GKAP1: variants seen among roughly 807,000 people sequenced by gnomAD.
The protein encoded by GKAP1 is G kinase-anchoring protein 1.
GKAP1 carries 31 observed loss-of-function variants against 56.7 expected under a neutral mutation model. That is an observed-to-expected ratio of 0.55 (90% CI 0.41 to 0.74). The LOEUF (loss-of-function observed/expected upper bound fraction) is 0.74. GKAP1 is among the 30% of genes least tolerant of loss of function. GKAP1 has a pLI of 0.00. For missense variants in GKAP1, 364 were observed against 402.3 expected (o/e 0.90, Z 0.82); for synonymous variants, 151 against 138.6 (o/e 1.09, Z -0.63).
chr9:83,768,964 T>C lies in GKAP1; in HGVS notation c.592A>G (p.Ser198Gly), dbSNP rs1943710965. The C allele has an allele frequency of 6.2e-7, 1 of 1,604,670 alleles. No homozygotes were observed. Among genetic ancestry groups the C allele is most frequent in the African/African-American group, 1.3e-5 (1 of 74,512 alleles). Residue 198 changes from serine (S) to glycine (G), a missense_variant, in exon 8 of 13, where the codon AGT becomes GGT. Ser to Gly is a moderately conservative substitution (Grantham distance 56). Transcript: ENST00000376371. ...DHISKKTEEL[S>G]SSQTLSHDGG... ...TCATGTGATAAAGTCTGAGAAGAAC[T>C]CAATTCCTGTCAAAAATGAATTACG...
chr9:83,804,861 C>T (rs1446828817), intron 3 of GKAP1, among the ~76,000 whole-genome samples: 2 of 146,320 alleles, frequency 1.4e-5, no homozygotes, highest in African/African-American at 2.6e-5. Context: ...GTCAGCCCCC[C>T]GCCCGGCCAG....
In GKAP1 at chr9:83,739,675, T is replaced by C. The variant is rs984833742; in HGVS notation, c.*22A>G. ...AATCCTGGAAGTTTTAAACTTTGTG[T>C]TGACTTCAAAGGCTAATGTAATCAC... On this transcript the variant is annotated 3_prime_UTR_variant, in exon 13 of 13. Coordinates refer to ENST00000376371, the MANE Select transcript of GKAP1 (RefSeq NM_025211.4). The C allele has an allele frequency of 7.6e-6, 12 of 1,587,280 alleles. No individual in the cohort carries two copies. Among genetic ancestry groups the C allele is most frequent in the Middle Eastern group, 3.4e-4 (2 of 5,966 alleles).
At chr9:83,809,414 T>C (rs1036274162) in intron 2 of GKAP1, among the ~76,000 whole-genome samples, 3 of 152,206 alleles carry the variant, frequency 2.0e-5, no homozygotes, top group African/African-American at 7.2e-5. Context: ...ATGTCAACTA[T>C]GAAAAGGGAA....
chr9:83,771,003 A>G (rs1943750443), intron 7 of GKAP1, among the ~76,000 whole-genome samples: 1 of 152,176 alleles, frequency 6.6e-6, no homozygotes, highest in East Asian at 1.9e-4. Flanking sequence ...CCTCTTCAAC[A>G]TCCTGTTATG....
At chr9:83,749,429 G>A (rs912010696) in intron 9 of GKAP1, among the ~76,000 whole-genome samples, 4 of 152,004 alleles carry the variant, frequency 2.6e-5, no homozygotes, top group Admixed American at 1.3e-4. Flanking sequence ...GTTTTACCAC[G>A]TTGGCCAGGC....
chr9:83,808,299 T>G (rs1239905483), intron 2 of GKAP1, among the ~76,000 whole-genome samples: 1 of 152,112 alleles, frequency 6.6e-6, no homozygotes, highest in Non-Finnish European at 1.5e-5. Context: ...CATATCTTAT[T>G]AAAATAACCT....
intron 5 of GKAP1, among the ~76,000 whole-genome samples, chr9:83,786,141 A>G (rs1011092742): frequency 1.3e-5 from 2 of 152,212 alleles, no homozygotes; most frequent in Non-Finnish European, 2.9e-5. Flanking sequence ...CTGCACTGAG[A>G]ACATACATCT....
intron 7 of GKAP1, among the ~76,000 whole-genome samples, chr9:83,778,521 C>A (rs1587715946): frequency 6.6e-6 from 1 of 151,778 alleles, no homozygotes; most frequent in South Asian, 2.1e-4. Flanking sequence ...TAGAGGGGAA[C>A]AAGACACACT....
At chr9:83,758,530 C>T (rs984797999) in intron 8 of GKAP1, among the ~76,000 whole-genome samples, 3 of 151,788 alleles carry the variant, frequency 2.0e-5, no homozygotes, top group Non-Finnish European at 4.4e-5. Context: ...GTCAGGAGTT[C>T]GAGACCAGCC....
intron 7 of GKAP1, 151 bp from the exon 8 acceptor site, chr9:83,769,121 C>T: frequency 1.8e-6 from 1 of 563,396 alleles, no homozygotes; most frequent in Non-Finnish European, 3.1e-6. Flanking sequence ...AGCTAAGAGA[C>T]AATCAACGAC....
intron 3 of GKAP1, among the ~76,000 whole-genome samples, chr9:83,800,972 CT>C (rs1944322664): frequency 6.6e-6 from 1 of 152,172 alleles, no homozygotes; most frequent in South Asian, 2.1e-4. Context: ...TTTAATTTGT[CT>C]TAAGTTTTTA....
intron 12 of GKAP1, 78 bp downstream of exon 12, chr9:83,741,874 A>T: frequency 1.2e-6 from 1 of 838,024 alleles, no homozygotes; most frequent in Non-Finnish European, 1.9e-6. Flanking sequence ...AGAATAAAAT[A>T]CTGCATTTAT....
intron 7 of GKAP1, among the ~76,000 whole-genome samples, chr9:83,775,129 G>C (rs1056262179): frequency 4.6e-5 from 7 of 151,834 alleles, no homozygotes; most frequent in African/African-American, 1.7e-4. Context: ...TCAGCATCCA[G>C]AGTAGCTGGG....
At chr9:83,802,238 T>C (rs1587736693) in intron 3 of GKAP1, among the ~76,000 whole-genome samples, 1 of 152,134 alleles carries the variant, frequency 6.6e-6, no homozygotes, top group Admixed American at 6.6e-5. Flanking sequence ...CCCAGTACTT[T>C]GGGAGGCCGA....
At chr9:83,795,965 G>C (rs1005509614) in intron 4 of GKAP1, among the ~76,000 whole-genome samples, 2 of 152,184 alleles carry the variant, frequency 1.3e-5, no homozygotes, top group South Asian at 2.1e-4. Flanking sequence ...TCTTCATCCT[G>C]TATAGGCAAC....
In GKAP1 at chr9:83,768,822, T is replaced by C. The variant is rs148840512; in HGVS notation, c.734A>G (p.Asn245Ser). The change falls in exon 8 of 13, where the codon AAC becomes AGC. Residue 245 changes from asparagine (N) to serine (S), a missense_variant. Transcript: ENST00000376371. ...GTDNCTAHEH[N>S]QEVVLKDGRI... ...AGAATTTTCTACTTTACATGCCTGG[T>C]TGTGTTCATGAGCTGTACAATTATC... 1.4e-5 allele frequency: 23 copies of C among 1,609,450 alleles called. No individual in the cohort carries two copies. The African/African-American group carries it at 2.8e-4, about 20-fold the overall frequency.
At chr9:83,747,395 G>A (rs1943312818) in intron 10 of GKAP1, among the ~76,000 whole-genome samples, 1 of 152,132 alleles carries the variant, frequency 6.6e-6, no homozygotes. Flanking sequence ...GAGCAGTGGG[G>A]AGGGGAGAAG....
chr9:83,742,870 T>A (rs1453023569), intron 10 of GKAP1, among the ~76,000 whole-genome samples: 2 of 152,198 alleles, frequency 1.3e-5, no homozygotes, highest in Admixed American at 1.3e-4. Flanking sequence ...TGTTAAAATA[T>A]TTATTGCTGG....
intron 3 of GKAP1, among the ~76,000 whole-genome samples, chr9:83,799,676 G>A (rs1045645595): frequency 6.6e-6 from 1 of 152,112 alleles, no homozygotes; most frequent in African/African-American, 2.4e-5. Context: ...AAACACAACT[G>A]GGCTCAGTGG....
Sources: allele counts gnomAD v4.1 joint callset (sites outside exome capture counted in the v4.1 genomes callset), GRCh38; gene constraint gnomAD v4.1.1; transcripts MANE v1.5; gene names NCBI Gene and HGNC (gene_info 2026-07-23, HGNC 2026-07-21).